The following CCDC159 variants were observed in gnomAD, a reference collection of about 807,000 sequenced individuals.
The protein encoded by CCDC159 is coiled-coil domain containing 159, also known as coiled-coil domain-containing protein 159.
A neutral mutation model predicts 50.9 loss-of-function variants in CCDC159; 40 were observed. The observed-to-expected ratio is 0.79, with a 90% CI of 0.61 to 1.02. The LOEUF (loss-of-function observed/expected upper bound fraction) is 1.02. Among genes scored for constraint, CCDC159 ranks in the 50% least tolerant of loss-of-function variants. The pLI, the probability that CCDC159 is intolerant of heterozygous loss-of-function variation, is 0.00. For missense variants in CCDC159, 356 were observed against 371.5 expected, an observed-to-expected ratio of 0.96 and a Z score of 0.34; for synonymous variants, 146 against 138.9, an observed-to-expected ratio of 1.05 and a Z score of -0.36.
intron 8 of CCDC159, 83 bp from the exon 9 acceptor site, chr19:11,353,709 G>A: frequency 6.5e-7 from 1 of 1,537,260 alleles, no homozygotes; most frequent in Non-Finnish European, 8.8e-7. Context: ...CCCCACCACG[G>A]CCCCCAACCT....
intron 5 of CCDC159, chr19:11,351,278 A>T (rs1422027844): frequency 2.8e-6 from 1 of 362,366 alleles, no homozygotes; most frequent in African/African-American, 2.1e-5. Context: ...CTCTACTAAA[A>T]ATACAAGAAT....
At chr19:11,351,370 G>T (rs2144636228) in intron 5 of CCDC159, 1 of 225,104 alleles carries the variant, frequency 4.4e-6, no homozygotes, top group South Asian at 5.9e-5. Flanking sequence ...CCAGGAGGCA[G>T]AGGTTGCAGT....
At chr19:11,353,358 C>A in intron 7 of CCDC159, 93 bp from the exon 8 acceptor site, 3 of 1,379,650 alleles carry the variant, frequency 2.2e-6, no homozygotes, top group Non-Finnish European at 2.9e-6. Context: ...CCTCGGCCTC[C>A]CAAAGTGCTG....
intron 1 of CCDC159, 142 bp downstream of exon 1, chr19:11,346,769 G>C: frequency 1.1e-6 from 1 of 945,802 alleles, no homozygotes; most frequent in African/African-American, 1.7e-5. Context: ...GGGACGGGGA[G>C]AGAGGAGGCA....
Position 11,350,810 on chromosome 19 carries a change from G to T in CCDC159, c.229G>T (p.Val77Leu), listed in dbSNP as rs36097565. 66,202 of 1,546,242 alleles carry T rather than the reference G, an allele frequency of 0.043. 3,002 individuals are homozygous for T. The highest frequency in any genetic ancestry group is 0.24 in the African/African-American group (17,337 of 72,998). The change falls in exon 5 of 11, where the codon GTG (valine) becomes TTG (leucine). Residue 77 changes from valine (V) to leucine (L), a missense_variant and splice_region_variant. Transcript: ENST00000458408. ...TCAAGGTCCCACACTCTCTGCAGAG[G>T]TGCTGAGCCCCACAGGCCGCCAGGG... is the stretch of plus-strand genomic sequence containing the variant. ...QQIKIQQLEE[V>L]LSPTGRQGEK...
Position 11,346,571 on chromosome 19 carries a change from C to T in CCDC159, c.-36C>T. 1.3e-6 allele frequency: 2 copies of T among 1,551,410 alleles called. No individual in the cohort carries two copies. Among genetic ancestry groups the T allele is most frequent in the South Asian group, 1.2e-5 (1 of 84,046 alleles). ...ATGGTGTCCCCGCGGGATCAAACTT[C>T]AGCGTCACAGCTGAGGACTGGCTTC... is the stretch of plus-strand genomic sequence containing the variant. On this transcript the variant is annotated 5_prime_UTR_variant, in exon 1 of 11. Transcript: ENST00000458408.
Position 11,352,085 on chromosome 19 carries a change from C to G in CCDC159, c.519C>G (p.Asn173Lys). 6.2e-7 allele frequency: 1 copy of G among 1,613,782 alleles called. No individual in the cohort carries two copies. The highest frequency in any genetic ancestry group is 8.5e-7 in the Non-Finnish European group (1 of 1,179,802). The change falls in exon 7 of 11, where the codon AAC (asparagine) becomes AAG (lysine). Residue 173 changes from asparagine to lysine, a missense_variant. Asn to Lys is a moderately conservative substitution (Grantham distance 94, BLOSUM62 0). Transcript: ENST00000458408. ...CGCAGGAGGATGAGATCTCAGAGAACTTGGTGAACATTCAGAAAATGCAGA... is the reference window on the plus strand; with the variant it reads ...CGCAGGAGGATGAGATCTCAGAGAAGTTGGTGAACATTCAGAAAATGCAGA... The part of the protein sequence containing the change: ...LQAQEDEISE[N>K]LVNIQKMQKT...
chr19:11,349,101 C>T lies in CCDC159; in HGVS notation c.22-553C>T, dbSNP rs374206595. ...AGGCCAGGGTGGGGCTCAGGGCCTT[C>T]GCCACATGAGGCTGCCCCCTCCCCC... On this transcript the variant is annotated intron_variant, in intron 1 of 10. Transcript: ENST00000458408. 57 of 1,348,578 alleles carry T rather than the reference C, an allele frequency of 4.2e-5. No homozygotes were observed. In the South Asian group the frequency reaches 4.9e-4, roughly 12 times the overall value. The allele number at this position is 1,348,578 out of a possible 1,614,324, so 83.5% of individuals were successfully genotyped here. A position where few individuals can be genotyped will look rare whatever the true frequency, so the allele number is the denominator to read the frequency against.
intron 2 of CCDC159, 75 bp downstream of exon 2, chr19:11,349,762 T>C: frequency 7.6e-7 from 1 of 1,308,984 alleles, no homozygotes; most frequent in Non-Finnish European, 1.1e-6. Flanking sequence ...TGCCCCAGCA[T>C]CAGCTGTCCC....
intron 7 of CCDC159, chr19:11,352,442 C>A: frequency 3.0e-6 from 1 of 337,016 alleles, no homozygotes. Flanking sequence ...CCCGTCTATA[C>A]TAAAAATACA....
At chr19:11,347,249 G>A (rs1220357026) in intron 1 of CCDC159, among the ~76,000 whole-genome samples, 1 of 152,108 alleles carries the variant, frequency 6.6e-6, no homozygotes, top group Non-Finnish European at 1.5e-5. Context: ...GGGATGCCCG[G>A]CACTCAATTA....
chr19:11,347,149 G>A (rs1967286000), intron 1 of CCDC159, among the ~76,000 whole-genome samples: 1 of 152,048 alleles, frequency 6.6e-6, no homozygotes, highest in Non-Finnish European at 1.5e-5. Context: ...CCCTGAGGCA[G>A]TGACTCTCGG....
intron 5 of CCDC159, chr19:11,351,648 C>T (rs1381579380): frequency 4.3e-5 from 12 of 282,148 alleles, no homozygotes; most frequent in African/African-American, 2.4e-4. Flanking sequence ...TATAGAAAGT[C>T]GGGGGACAGG....
rs1346916648 is a variant in CCDC159, at chr19:11,350,819, C to T, written c.238C>T (p.Pro80Ser). 1 of 1,548,334 alleles carries T rather than the reference C, an allele frequency of 6.5e-7. No homozygotes were observed. Among genetic ancestry groups the T allele is most frequent in the Non-Finnish European group, 8.7e-7 (1 of 1,146,562 alleles). ...KIQQLEEVLS[P>S]TGRQGEKEEH... ...CACACTCTCTGCAGAGGTGCTGAGC[C>T]CCACAGGCCGCCAGGGAGAGAAGGA... The change falls in exon 5 of 11, where the codon CCC becomes TCC. Residue 80 changes from proline to serine, a missense_variant. Physicochemically the swap from Pro to Ser is moderately conservative, Grantham distance 74. Transcript: ENST00000458408.
chr19:11,354,868 C>A lies in CCDC159; in HGVS notation c.890-5C>A, dbSNP rs770212874. The A allele has an allele frequency of 5.0e-6, 8 of 1,613,520 alleles. No homozygotes were observed. The highest frequency in any genetic ancestry group is 5.9e-6 in the Non-Finnish European group (7 of 1,179,850). ...CAGGCCCTGACCCACCCTCTCTCTC[C>A]ACAGCTTGAGCAGCCGGGACTGCTC... is the stretch of plus-strand genomic sequence containing the variant. On this transcript the variant is annotated splice_polypyrimidine_tract_variant and splice_region_variant and intron_variant, in intron 10 of 10. Coordinates refer to ENST00000458408, the MANE Select transcript of CCDC159 (RefSeq NM_001080503.3).
At chr19:11,349,528 C>T (rs1319595783) in intron 1 of CCDC159, 126 bp from the exon 2 acceptor site, 2 of 1,272,902 alleles carry the variant, frequency 1.6e-6, no homozygotes, top group East Asian at 2.5e-5. Context: ...TTTGCCTGCA[C>T]TTACGGTTTG....
chr19:11,349,968 A>G lies in CCDC159; in HGVS notation c.86A>G (p.Gln29Arg), dbSNP rs1599382095. Residue 29 changes from glutamine (Q) to arginine (R), a missense_variant, in exon 3 of 11, where the codon CAG becomes CGG. Transcript: ENST00000458408. ...AKTIVMIPDS[Q>R]KLLRCELESL... ...ACCATTGTGATGATTCCCGACTCCC[A>G]GAAGCTCCTGCGATGTGAACTTGAG... 1.2e-6 allele frequency: 2 copies of G among 1,613,754 alleles called. No individual in the cohort carries two copies. The highest frequency in any genetic ancestry group is 1.7e-6 in the Non-Finnish European group (2 of 1,179,822).
intron 8 of CCDC159, 107 bp from the exon 9 acceptor site, chr19:11,353,685 C>A (rs1967711128): frequency 1.9e-6 from 3 of 1,548,256 alleles, no homozygotes; most frequent in African/African-American, 1.4e-5. Context: ...ACTTCCCTCA[C>A]CCCCTAGGAC....
Position 11,352,060 on chromosome 19 carries a change from C to A in CCDC159, c.494C>A (p.Ala165Glu). ...EVTFIYQKLQ[A>E]QEDEISENLV... ...CCTGAGCCCCCTCCCTCCACAGAAG[C>A]GCAGGAGGATGAGATCTCAGAGAAC... Residue 165 changes from alanine to glutamate, a missense_variant, in exon 7 of 11, where the codon GCG (alanine) becomes GAG (glutamate). Coordinates refer to ENST00000458408, the MANE Select transcript of CCDC159 (RefSeq NM_001080503.3). The A allele has an allele frequency of 6.2e-7, 1 of 1,613,526 alleles. No individual in the cohort carries two copies. The highest frequency in any genetic ancestry group is 2.2e-5 in the East Asian group (1 of 44,864).
Sources: allele counts gnomAD v4.1 joint callset (sites outside exome capture counted in the v4.1 genomes callset), GRCh38; gene constraint gnomAD v4.1.1; transcripts MANE v1.5; gene names NCBI Gene and HGNC (gene_info 2026-07-23, HGNC 2026-07-21).